PNKD: variants seen among roughly 807,000 people sequenced by gnomAD.
PNKD encodes PNKD metallo-beta-lactamase domain containing.
In PNKD, 36 loss-of-function variants were observed where a neutral mutation model predicts 45.3. That is an observed-to-expected ratio of 0.80 (90% CI 0.61 to 1.05). PNKD has a LOEUF of 1.05. Ranked by LOEUF, PNKD falls within the 50% of genes least tolerant of loss-of-function variation. The pLI is 0.00. For missense variants in PNKD, 511 were observed against 506.6 expected (o/e 1.01, Z -0.08); for synonymous variants, 197 against 210.1 (o/e 0.94, Z 0.54).
intron 7 of PNKD, among the ~76,000 whole-genome samples, 196 bp from the exon 8 acceptor site, chr2:218,343,304 C>T (rs1314834996): frequency 6.6e-6 from 1 of 152,188 alleles, no homozygotes; most frequent in East Asian, 1.9e-4. Context: ...CTCGGATGGG[C>T]TTGGTCAGGG....
chr2:218,302,241 G>C (rs185050271), intron 2 of PNKD, among the ~76,000 whole-genome samples: 2 of 152,090 alleles, frequency 1.3e-5, no homozygotes, highest in African/African-American at 4.8e-5. Flanking sequence ...CCAGCTACTC[G>C]GGAGGCTGAG....
intron 2 of PNKD, among the ~76,000 whole-genome samples, chr2:218,301,278 T>C (rs1693260249): frequency 6.6e-6 from 1 of 152,170 alleles, no homozygotes; most frequent in African/African-American, 2.4e-5. Context: ...GCGCTGGTCA[T>C]TGACTTAAGG....
chr2:218,341,892 A>C, intron 6 of PNKD, 89 bp from the exon 7 acceptor site: 1 of 1,112,184 alleles, frequency 9.0e-7, no homozygotes, highest in Non-Finnish European at 1.4e-6. Context: ...TCTCTTGTGA[A>C]TCACCCAGCC....
chr2:218,320,537 C>A (rs931663325), intron 2 of PNKD, among the ~76,000 whole-genome samples: 6 of 152,114 alleles, frequency 3.9e-5, no homozygotes, highest in Non-Finnish European at 7.4e-5. Flanking sequence ...CACTGCACTC[C>A]AGCCTGAGTG....
chr2:218,323,207 G>A (rs2106275044), intron 2 of PNKD: 3 of 1,414,992 alleles, frequency 2.1e-6, no homozygotes, highest in Non-Finnish European at 2.8e-6. Context: ...CGGGGGGCCG[G>A]GGCCGGGCCG....
At chr2:218,329,476 G>A (rs1425127181) in intron 2 of PNKD, among the ~76,000 whole-genome samples, 3 of 152,254 alleles carry the variant, frequency 2.0e-5, no homozygotes, top group African/African-American at 7.2e-5. Flanking sequence ...CCCAGCCAGG[G>A]CTGAGACCAT....
chr2:218,331,141 A>G (rs1694304845), intron 2 of PNKD, among the ~76,000 whole-genome samples: 1 of 152,206 alleles, frequency 6.6e-6, no homozygotes, highest in South Asian at 2.1e-4. Flanking sequence ...CCAGCCGGAC[A>G]TGGTGGCTGA....
At chr2:218,274,889 T>C (rs1416822714) in intron 2 of PNKD, 1 of 153,230 alleles carries the variant, frequency 6.5e-6, no homozygotes, top group Admixed American at 6.5e-5. Context: ...AAACAATACA[T>C]ATGTCACTGA....
At position 218,313,172 on chromosome 2, in the gene PNKD, G is replaced by A. The variant is rs542655802; in HGVS notation, c.237-26611G>A. ...AGGTTGCAGGCTGGAGTGCAGTGGCGTGATCTTGGCTCACTGCAGCCTCCA... is the reference window on the plus strand; with the variant it reads ...AGGTTGCAGGCTGGAGTGCAGTGGCATGATCTTGGCTCACTGCAGCCTCCA... On this transcript the variant is annotated intron_variant, in intron 2 of 9. Transcript: ENST00000273077. Among the ~76,000 whole-genome samples the A allele has an allele frequency of 1.3e-4, 20 of 151,604 alleles. 1 individual carries two copies. In the South Asian group the frequency reaches 3.1e-3, roughly 24 times the overall value.
intron 2 of PNKD, among the ~76,000 whole-genome samples, chr2:218,337,771 C>T (rs1694541089): frequency 6.6e-6 from 1 of 152,180 alleles, no homozygotes; most frequent in South Asian, 2.1e-4. Context: ...GGAGCACACT[C>T]ACTGTGTGTG....
rs554072578 is a variant in PNKD, at chr2:218,299,116, ATTTAT to A, written c.236+27585_236+27589del. 5.2e-4 allele frequency among the ~76,000 whole-genome samples: 79 copies of A among 151,746 alleles called. 2 individuals are homozygous for A. In the South Asian group the frequency reaches 6.9e-3, roughly 13 times the overall value. On this transcript the variant is annotated intron_variant, in intron 2 of 9. Coordinates refer to ENST00000273077, the MANE Select transcript of PNKD (RefSeq NM_015488.5). ...TACCACCTGTTCCTTTATTTTATTT[ATTTAT>A]TTTATTTTATTTTATTTATTTATTT... is the stretch of plus-strand genomic sequence containing the variant.
intron 2 of PNKD, among the ~76,000 whole-genome samples, chr2:218,314,808 A>G (rs1171254471): frequency 6.6e-6 from 1 of 151,496 alleles, no homozygotes; most frequent in East Asian, 2.0e-4. Flanking sequence ...CTTGTGCCTC[A>G]GTGCCCAAGT....
At chr2:218,284,755 A>C (rs1692362305) in intron 2 of PNKD, among the ~76,000 whole-genome samples, 1 of 152,312 alleles carries the variant, frequency 6.6e-6, no homozygotes, top group African/African-American at 2.4e-5. Flanking sequence ...CACACTAGTA[A>C]TAGTACCCTC....
chr2:218,282,189 G>A, intron 2 of PNKD: 1 of 1,393,302 alleles, frequency 7.2e-7, no homozygotes, highest in South Asian at 1.6e-5. Context: ...GACCTGAAAT[G>A]GGAGAGGAGA....
At chr2:218,331,505 C>T (rs1694318114) in intron 2 of PNKD, among the ~76,000 whole-genome samples, 1 of 151,894 alleles carries the variant, frequency 6.6e-6, no homozygotes. Context: ...GAGTCTTGCT[C>T]TGTCACCCAG....
chr2:218,328,505 T>G (rs1694220679), intron 2 of PNKD, among the ~76,000 whole-genome samples: 2 of 152,306 alleles, frequency 1.3e-5, no homozygotes, highest in South Asian at 4.1e-4. Context: ...GGGGAGAAAC[T>G]TTGTTCAAGA....
intron 2 of PNKD, among the ~76,000 whole-genome samples, chr2:218,291,767 CCAAA>C (rs1307192079): frequency 6.6e-6 from 1 of 152,104 alleles, no homozygotes; most frequent in African/African-American, 2.4e-5. Flanking sequence ...TCACTCTAAC[CCAAA>C]GAAGTCACGA....
At chr2:218,341,897 C>T (rs1300859279) in intron 6 of PNKD, 84 bp from the exon 7 acceptor site, 1 of 1,170,264 alleles carries the variant, frequency 8.5e-7, no homozygotes, top group South Asian at 1.3e-5. Context: ...TGTGAATCAC[C>T]CAGCCCCTTG....
Position 218,341,584 on chromosome 2 carries a change from G to C in PNKD, c.575G>C (p.Arg192Pro). 1 of 1,597,720 alleles carries C rather than the reference G, an allele frequency of 6.3e-7. No homozygotes were observed. The highest frequency in any genetic ancestry group is 8.5e-7 in the Non-Finnish European group (1 of 1,172,372). The change falls in exon 6 of 10, where the codon CGG (arginine) becomes CCG (proline). Residue 192 changes from arginine to proline, a missense_variant. Coordinates refer to ENST00000273077, the MANE Select transcript of PNKD (RefSeq NM_015488.5). The part of the protein sequence containing the change: ...RDLSRRHRDC[R>P]VYGSPQDGIP... ...CTCAGCCGGCGGCACCGGGACTGTC[G>C]GGTGTACGGGAGCCCTCAGGACGGC...
Sources: gnomAD v4.1 joint callset for allele counts (sites outside exome capture counted in the v4.1 genomes callset) on GRCh38, gnomAD v4.1.1 for gene constraint, MANE v1.5 for transcripts, NCBI Gene and HGNC (gene_info 2026-07-23, HGNC 2026-07-21) for gene names.